The following DCC variants were observed in gnomAD, a reference collection of about 807,000 sequenced individuals.
DCC encodes DCC netrin 1 receptor, also known as netrin receptor DCC.
In DCC, 58 loss-of-function variants were observed where a neutral mutation model predicts 172.5. That is an observed-to-expected ratio of 0.34 (90% confidence interval 0.27 to 0.42). The LOEUF (loss-of-function observed/expected upper bound fraction) is 0.42. Ranked by LOEUF, DCC falls within the 10% of genes least tolerant of loss-of-function variation. The pLI is 1.00. For missense variants in DCC, 1,740 were observed against 1,791.0 expected, an observed-to-expected ratio of 0.97 and a Z score of 0.51; for synonymous variants, 709 against 644.5, an observed-to-expected ratio of 1.10 and a Z score of -1.52.
chr18:53,236,815 TAA>T (rs2056209008), intron 12 of DCC, among the ~76,000 whole-genome samples: 1 of 152,040 alleles, frequency 6.6e-6, no homozygotes, highest in Admixed American at 6.6e-5. Flanking sequence ...CACCATTTAT[TAA>T]AAGAGTTCTC....
Position 53,106,615 on chromosome 18 carries a change from T to C in DCC, c.1261+40449T>C, listed in dbSNP as rs552425483. 3.3e-5 allele frequency among the ~76,000 whole-genome samples: 5 copies of C among 152,032 alleles called. No homozygotes were observed. In the South Asian group the frequency reaches 8.3e-4, roughly 25 times the overall value. On this transcript the variant is annotated intron_variant, in intron 7 of 28. Transcript: ENST00000442544. ...AGATTTTAAGTCCTCATTTTGTTACTGGAAAGGGATCCTGATCTAGACCCC... is the reference window on the plus strand; with the variant it reads ...AGATTTTAAGTCCTCATTTTGTTACCGGAAAGGGATCCTGATCTAGACCCC...
chr18:52,622,218 G>A (rs1214059387), intron 1 of DCC, among the ~76,000 whole-genome samples: 1 of 152,230 alleles, frequency 6.6e-6, no homozygotes, highest in East Asian at 1.9e-4. Context: ...GGGACCAAAA[G>A]TTCTCTATAA....
chr18:52,426,207 A>C (rs1987419143), intron 1 of DCC, among the ~76,000 whole-genome samples: 1 of 151,500 alleles, frequency 6.6e-6, no homozygotes, highest in African/African-American at 2.4e-5. Context: ...TGTGTCCTCC[A>C]CCCTATCATC....
intron 24 of DCC, among the ~76,000 whole-genome samples, chr18:53,465,816 G>T (rs2045613369): frequency 6.6e-6 from 1 of 151,866 alleles, no homozygotes; most frequent in Non-Finnish European, 1.5e-5. Context: ...CCAGGCTGGA[G>T]TGTAGTGGCA....
At chr18:53,049,024 T>C (rs900344066) in intron 5 of DCC, among the ~76,000 whole-genome samples, 2 of 152,092 alleles carry the variant, frequency 1.3e-5, no homozygotes, top group African/African-American at 4.8e-5. Flanking sequence ...TAGTTTTTAA[T>C]GGGGTTGTTT....
intron 2 of DCC, among the ~76,000 whole-genome samples, chr18:52,785,579 C>T (rs909660775): frequency 2.0e-5 from 3 of 151,974 alleles, no homozygotes; most frequent in Non-Finnish European, 4.4e-5. Flanking sequence ...ATCTAAGGGT[C>T]CTCAGAAGAA....
chr18:53,306,487 A>G (rs2057201734), intron 13 of DCC, among the ~76,000 whole-genome samples: 2 of 152,194 alleles, frequency 1.3e-5, no homozygotes, highest in Admixed American at 6.5e-5. Flanking sequence ...GGTGGCCACA[A>G]CTTCGGGGCA....
intron 5 of DCC, among the ~76,000 whole-genome samples, chr18:53,014,645 G>A (rs1171959342): frequency 6.6e-6 from 1 of 151,936 alleles, no homozygotes; most frequent in East Asian, 1.9e-4. Context: ...ACTTTAAAAT[G>A]AAGTGTATTA....
chr18:53,323,723 AC>A (rs1226713494), intron 14 of DCC, among the ~76,000 whole-genome samples: 25 of 152,222 alleles, frequency 1.6e-4, no homozygotes, highest in African/African-American at 6.0e-4. Flanking sequence ...GGATGGATAG[AC>A]CATCAGGCAA....
intron 1 of DCC, among the ~76,000 whole-genome samples, chr18:52,654,784 A>T (rs893056295): frequency 6.6e-6 from 1 of 152,220 alleles, no homozygotes; most frequent in East Asian, 1.9e-4. Flanking sequence ...TGTAGGGTTA[A>T]ATTTGGAAAC....
intron 1 of DCC, among the ~76,000 whole-genome samples, chr18:52,524,229 A>G (rs538445078): frequency 6.6e-6 from 1 of 152,352 alleles, no homozygotes; most frequent in African/African-American, 2.4e-5. Flanking sequence ...AATCAGAATA[A>G]TCTTAAGAAG....
rs1396521165 is a variant in DCC at position 53,450,549 on chromosome 18, G to C, written c.3279G>C (p.Gln1093His). Reference sequence around the variant, plus strand: ...CCCCGCATGGCAGTGTCACTCCTCAGAAGAACAGCAACCTGCTTGTGATCA... The same window carrying C: ...CCCCGCATGGCAGTGTCACTCCTCACAAGAACAGCAACCTGCTTGTGATCA... ...MHPPHGSVTP[Q>H]KNSNLLVIIV... The change falls in exon 23 of 29, where the codon CAG becomes CAC. Residue 1093 changes from glutamine to histidine, a missense_variant. Physicochemically the swap from Gln to His is conservative, Grantham distance 24. This residue lies in a region of DCC where 1,732 missense variants were observed against 1,767.4 expected (regional missense o/e 0.98). Coordinates refer to ENST00000442544, the MANE Select transcript of DCC (RefSeq NM_005215.4). 6.2e-7 allele frequency: 1 copy of C among 1,614,062 alleles called. No individual in the cohort carries two copies. Among genetic ancestry groups the C allele is most frequent in the South Asian group, 1.1e-5 (1 of 91,072 alleles).
chr18:53,055,192 G>T (rs181927229), intron 5 of DCC, among the ~76,000 whole-genome samples: 4 of 152,238 alleles, frequency 2.6e-5, no homozygotes, highest in African/African-American at 9.6e-5. Flanking sequence ...TTCTTAAGGC[G>T]TTAGTAGCTT....
chr18:53,095,317 G>C (rs956681999), intron 7 of DCC, among the ~76,000 whole-genome samples: 1 of 152,150 alleles, frequency 6.6e-6, no homozygotes, highest in Admixed American at 6.5e-5. Flanking sequence ...TGGATGGTCT[G>C]TTTCTGTCCC....
At position 52,521,627 on chromosome 18, in the gene DCC, C is replaced by A. The variant is rs2031821579; in HGVS notation, c.91+180749C>A. Among the ~76,000 whole-genome samples, 3 of 151,996 alleles carry A rather than the reference C, an allele frequency of 2.0e-5. No homozygotes were observed. In the South Asian group the frequency reaches 6.2e-4, roughly 32 times the overall value. On this transcript the variant is annotated intron_variant, in intron 1 of 28. Coordinates refer to ENST00000442544, the MANE Select transcript of DCC (RefSeq NM_005215.4). ...TCAGTCTATAACAAAGGCCTTAGGA[C>A]TCTGCTGATAAACTCTGTATTTGTC...
chr18:52,765,577 C>G (rs117935189), intron 2 of DCC, among the ~76,000 whole-genome samples: 2 of 152,130 alleles, frequency 1.3e-5, no homozygotes, highest in Non-Finnish European at 2.9e-5. Context: ...TTGTGCTCAC[C>G]GTAATCTATC....
chr18:52,994,698 C>A (rs1163978642), intron 5 of DCC, among the ~76,000 whole-genome samples: 1 of 152,144 alleles, frequency 6.6e-6, no homozygotes, highest in African/African-American at 2.4e-5. Flanking sequence ...AACAAAGATA[C>A]TTCTGGTAGC....
At chr18:52,869,759 T>C (rs1296419513) in intron 2 of DCC, among the ~76,000 whole-genome samples, 1 of 152,206 alleles carries the variant, frequency 6.6e-6, no homozygotes, top group African/African-American at 2.4e-5. Context: ...TGAGTGTATG[T>C]ACTCCTGGCT....
chr18:53,463,354 A>G (rs1166412259), intron 24 of DCC, among the ~76,000 whole-genome samples: 1 of 152,176 alleles, frequency 6.6e-6, no homozygotes, highest in Non-Finnish European at 1.5e-5. Context: ...ACTTGTCCTC[A>G]ATTTGAGGAC....
Sources: gnomAD v4.1 joint callset for allele counts (sites outside exome capture counted in the v4.1 genomes callset) on GRCh38, gnomAD v4.1.1 for gene constraint, gnomAD v4.1.1 regional missense constraint, MANE v1.5 for transcripts, NCBI Gene and HGNC (gene_info 2026-07-23, HGNC 2026-07-21) for gene names.